MPDZ: variants seen among roughly 807,000 people sequenced by gnomAD.
MPDZ encodes the protein multiple PDZ domain protein.
In MPDZ, 234 loss-of-function variants were observed where a neutral mutation model predicts 239.1. That is an observed-to-expected ratio of 0.98 (90% CI 0.88 to 1.09). The LOEUF is 1.09. Among genes scored for constraint, MPDZ ranks in the 50% least tolerant of loss-of-function variants. MPDZ has a pLI of 0.00. For missense variants in MPDZ, 3,175 were observed against 2,510.0 expected (o/e 1.26, Z -5.66); for synonymous variants, 1,048 against 881.3 (o/e 1.19, Z -3.35).
rs869272418 is a variant in MPDZ, at chr9:13,136,325, C to CTTTTTTTTTTTTTTTTTTTTTTTTTTTTT, written c.4293-144_4293-143insAAAAAAAAAAAAAAAAAAAAAAAAAAAAA. The CTTTTTTTTTTTTTTTTTTTTTTTTTTTTT allele has an allele frequency of 3.1e-4, 49 of 156,700 alleles. 6 individuals carry two copies. The highest frequency in any genetic ancestry group is 6.8e-4 in the African/African-American group (11 of 16,178). 9.7% of individuals were successfully genotyped at this position (156,700 alleles called of 1,614,324 possible). ...ACACTTACAAATTTACAAACGTTTTCTTTTTTTTTTTTTTTTTTTTTTTTG... is the reference window on the plus strand; with the variant it reads ...ACACTTACAAATTTACAAACGTTTTCTTTTTTTTTTTTTTTTTTTTTTTTTTTTTTTTTTTTTTTTTTTTTTTTTTTTTG... On this transcript the variant is annotated intron_variant, in intron 30 of 46. Transcript: ENST00000319217.
At chr9:13,141,098 A>G (rs968944077) in intron 27 of MPDZ, among the ~76,000 whole-genome samples, 3 of 47,508 alleles carry the variant, frequency 6.3e-5, no homozygotes, top group Admixed American at 6.3e-4. Flanking sequence ...TCCTATTTCG[A>G]AAAAAAAAAA....
intron 27 of MPDZ, among the ~76,000 whole-genome samples, chr9:13,141,109 A>G (rs927180523): frequency 1.3e-5 from 2 of 152,254 alleles, no homozygotes; most frequent in African/African-American, 2.4e-5. Flanking sequence ...AAAAAAAAAA[A>G]AAAAGTACTT....
At chr9:13,148,241 T>G (rs1948689929) in intron 25 of MPDZ, among the ~76,000 whole-genome samples, 1 of 152,114 alleles carries the variant, frequency 6.6e-6, no homozygotes, top group Admixed American at 6.6e-5. Context: ...GTAATTCTTA[T>G]ATAGTTTGAC....
chr9:13,247,831 C>T lies in MPDZ; in HGVS notation c.17-30G>A. 6 of 1,570,820 alleles carry T rather than the reference C, an allele frequency of 3.8e-6. No individual in the cohort carries two copies. In the African/African-American group the frequency reaches 5.4e-5, roughly 14 times the overall value. On this transcript the variant is annotated intron_variant, in intron 2 of 46. Coordinates refer to ENST00000319217, the MANE Select transcript of MPDZ (RefSeq NM_001378778.1). ...ACCAAAGAGCAGCATTTGTCAATAA[C>T]AGGATTCAAAGGACACATGTCCAGC...
At chr9:13,277,282 A>T (rs1025327781) in intron 1 of MPDZ, among the ~76,000 whole-genome samples, 2 of 152,218 alleles carry the variant, frequency 1.3e-5, no homozygotes, top group South Asian at 4.1e-4. Context: ...TAGAGAAGGT[A>T]AGTGAAAAGA....
intron 19 of MPDZ, among the ~76,000 whole-genome samples, chr9:13,178,257 T>G: frequency 1.6e-5 from 1 of 64,466 alleles, no homozygotes; most frequent in Admixed American, 1.8e-4. Context: ...AGACTGCATC[T>G]CAAAAAAAAA....
chr9:13,190,011 G>C (rs1954675728), intron 16 of MPDZ, 103 bp downstream of exon 16: 2 of 1,059,626 alleles, frequency 1.9e-6, no homozygotes, highest in African/African-American at 1.6e-5. Flanking sequence ...AGACTGACTA[G>C]AAAAAAGAAA....
intron 1 of MPDZ, among the ~76,000 whole-genome samples, chr9:13,275,752 C>A (rs2139497750): frequency 6.6e-6 from 1 of 152,298 alleles, no homozygotes; most frequent in East Asian, 1.9e-4. Flanking sequence ...CTTCATTGCT[C>A]TCCATTAATT....
chr9:13,174,301 T>G (rs1952173098), intron 21 of MPDZ, among the ~76,000 whole-genome samples: 2 of 152,150 alleles, frequency 1.3e-5, no homozygotes, highest in African/African-American at 4.8e-5. Context: ...TCTCTTAAAC[T>G]TGTGTTAAGA....
intron 14 of MPDZ, 72 bp from the exon 15 acceptor site, chr9:13,192,367 T>A (rs1165050192): frequency 3.7e-6 from 5 of 1,345,130 alleles, no homozygotes; most frequent in South Asian, 1.4e-5. Context: ...ACAATTTTTT[T>A]ATTAAATATA....
intron 19 of MPDZ, among the ~76,000 whole-genome samples, chr9:13,180,811 T>C (rs1005222179): frequency 6.6e-6 from 1 of 152,024 alleles, no homozygotes; most frequent in Non-Finnish European, 1.5e-5. Context: ...TCTTGAGTAA[T>C]TGTTATTTCC....
In MPDZ at chr9:13,192,128, T is replaced by C; in HGVS notation, c.1968+3A>G. ...GTTAGCCTCATGTATGCAAATCTGA[T>C]ACCTTTTCTGTTAGCTCAATATCAC... On this transcript the variant is annotated splice_donor_region_variant and intron_variant, in intron 15 of 46. Coordinates refer to ENST00000319217, the MANE Select transcript of MPDZ (RefSeq NM_001378778.1). The C allele has an allele frequency of 6.3e-7, 1 of 1,589,466 alleles. No individual in the cohort carries two copies. The highest frequency in any genetic ancestry group is 2.3e-5 in the East Asian group (1 of 44,300).
At chr9:13,199,996 C>T (rs902512667) in intron 12 of MPDZ, among the ~76,000 whole-genome samples, 2 of 151,936 alleles carry the variant, frequency 1.3e-5, no homozygotes, top group Admixed American at 6.6e-5. Context: ...ATTCCCTCCT[C>T]TTCAATTTTT....
chr9:13,224,556 T>C lies in MPDZ; in HGVS notation c.211A>G (p.Asn71Asp), dbSNP rs191190036. ...TGAGGAACGTGGGCATATTCAATATTTGAAGTTGCTGAAGTTGCAATATTT... is the reference window on the plus strand; with the variant it reads ...TGAGGAACGTGGGCATATTCAATATCTGAAGTTGCTGAAGTTGCAATATTT... ...QVNIATSATS[N>D]IEYAHVPHLS... The change falls in exon 4 of 47, where the codon AAT becomes GAT. Residue 71 changes from asparagine (N) to aspartate (D), a missense_variant. Coordinates refer to ENST00000319217, the MANE Select transcript of MPDZ (RefSeq NM_001378778.1). The C allele has an allele frequency of 6.6e-5, 106 of 1,611,158 alleles. No homozygotes were observed. The East Asian group carries it at 1.9e-3, about 29-fold the overall frequency.
At chr9:13,265,760 A>T (rs1292878447) in intron 1 of MPDZ, among the ~76,000 whole-genome samples, 1 of 151,958 alleles carries the variant, frequency 6.6e-6, no homozygotes, top group African/African-American at 2.4e-5. Context: ...GATCTCGATG[A>T]CACTGGGGCA....
At chr9:13,194,402 T>C (rs531032731) in intron 13 of MPDZ, among the ~76,000 whole-genome samples, 2 of 152,080 alleles carry the variant, frequency 1.3e-5, no homozygotes, top group South Asian at 4.1e-4. Flanking sequence ...TGCAGGGACA[T>C]GGATGAAGCT....
At chr9:13,210,663 G>C (rs1465701967) in intron 10 of MPDZ, among the ~76,000 whole-genome samples, 2 of 152,058 alleles carry the variant, frequency 1.3e-5, no homozygotes, top group Non-Finnish European at 2.9e-5. Flanking sequence ...ACACAGGAGT[G>C]AGCCAGGCTC....
intron 3 of MPDZ, among the ~76,000 whole-genome samples, chr9:13,226,909 T>A (rs547486493): frequency 6.6e-6 from 1 of 152,282 alleles, no homozygotes; most frequent in South Asian, 2.1e-4. Context: ...GAACAACCTT[T>A]CAAGTATCAT....
chr9:13,253,867 A>G (rs1968741002), intron 1 of MPDZ, among the ~76,000 whole-genome samples: 1 of 152,210 alleles, frequency 6.6e-6, no homozygotes, highest in Admixed American at 6.5e-5. Flanking sequence ...GCTAGGTACT[A>G]TTCAAATCAT....
Sources: allele counts gnomAD v4.1 joint callset (sites outside exome capture counted in the v4.1 genomes callset), GRCh38; gene constraint gnomAD v4.1.1; transcripts MANE v1.5; gene names NCBI Gene and HGNC (gene_info 2026-07-23, HGNC 2026-07-21).